PRKCG: variants seen among roughly 807,000 people sequenced by gnomAD.
The protein encoded by PRKCG is protein kinase C gamma type.
PRKCG carries 28 observed loss-of-function variants against 82.0 expected under a neutral mutation model. That is an observed-to-expected ratio of 0.34 (90% CI 0.25 to 0.47). The LOEUF (loss-of-function observed/expected upper bound fraction) is 0.47. Among genes scored for constraint, PRKCG ranks in the 20% least tolerant of loss-of-function variants. The pLI, the probability that PRKCG is intolerant of heterozygous loss-of-function variation, is 1.00. For synonymous variants in PRKCG, 383 were observed against 376.6 expected (o/e 1.02, Z -0.20); for missense variants, 640 against 952.7 (o/e 0.67, Z 4.32).
chr19:53,891,646 G>C, intron 5 of PRKCG, 28 bp from the exon 6 acceptor site: 1 of 1,612,474 alleles, frequency 6.2e-7, no homozygotes, highest in Non-Finnish European at 8.5e-7. Context: ...TCTCTAACCC[G>C]TCACACTCTT....
upstream of PRKCG, chr19:53,882,183 A>G (rs307942): frequency 2.3e-5 from 9 of 384,474 alleles, no homozygotes; most frequent in Middle Eastern, 4.8e-4. This position sits in a 1 kb window ranked among gnomAD's most constrained non-coding sequence, Gnocchi z 6.1. Context: ...CGCCTCCCCC[A>G]ACCCGGGGCT....
intron 3 of PRKCG, among the ~76,000 whole-genome samples, chr19:53,886,220 T>C (rs2068630319): frequency 6.6e-6 from 1 of 151,458 alleles, no homozygotes; most frequent in African/African-American, 2.4e-5. Flanking sequence ...TTCTCATGCC[T>C]CAGCCTCCCG....
chr19:53,899,759 G>A (rs576874797), intron 11 of PRKCG, among the ~76,000 whole-genome samples: 1 of 152,206 alleles, frequency 6.6e-6, no homozygotes, highest in Non-Finnish European at 1.5e-5. Context: ...GCTGATTTTT[G>A]TATTTTTAGT....
chr19:53,884,299 C>T lies in PRKCG; in HGVS notation c.285+56C>T. On this transcript the variant is annotated intron_variant, in intron 3 of 17. Transcript: ENST00000263431. This position sits in a 1 kb window ranked among gnomAD's most constrained non-coding sequence, Gnocchi z 4.6. ...CGGGCCGTGCCCCCGCCCTCACCCC[C>T]TCGGCGTCCGTCCCAATTTCTCCTG... is the stretch of plus-strand genomic sequence containing the variant. The T allele has an allele frequency of 2.0e-6, 3 of 1,512,636 alleles. No individual in the cohort carries two copies. The highest frequency in any genetic ancestry group is 1.4e-5 in the African/African-American group (1 of 72,784). The allele number at this position is 1,512,636 out of a possible 1,614,324, so 93.7% of individuals were successfully genotyped here.
chr19:53,898,644 GC>G lies in PRKCG; in HGVS notation c.1281+17del. ...CCAGACCCCGGTAAGGATGGAGGGG[GC>G]GGAGGCTGTCCTCCGGGCCCTGCCT... On this transcript the variant is annotated intron_variant, in intron 11 of 17. Coordinates refer to ENST00000263431, the MANE Select transcript of PRKCG (RefSeq NM_002739.5). 6.4e-6 allele frequency: 10 copies of G among 1,559,718 alleles called. No homozygotes were observed. The highest frequency in any genetic ancestry group is 8.7e-6 in the Non-Finnish European group (10 of 1,153,318).
rs575973000 is a variant in PRKCG, at chr19:53,882,749, G to A, written c.170+85G>A. 1 of 1,539,784 alleles carries A rather than the reference G, an allele frequency of 6.5e-7. No homozygotes were observed. The highest frequency in any genetic ancestry group is 2.3e-5 in the East Asian group (1 of 43,442). ...ACGCCGACCCCTGTGGAAGGAAGAA[G>A]GAGGGGGCTGTAGTCCCGACTCCCA... is the stretch of plus-strand genomic sequence containing the variant. On this transcript the variant is annotated intron_variant, in intron 1 of 17. Coordinates refer to ENST00000263431, the MANE Select transcript of PRKCG (RefSeq NM_002739.5). The surrounding 1 kb of genome is among the most constrained non-coding windows in gnomAD (Gnocchi z 6.1).
intron 5 of PRKCG, among the ~76,000 whole-genome samples, chr19:53,890,423 A>AT (rs2068665586): frequency 6.7e-6 from 1 of 150,146 alleles, no homozygotes; most frequent in Non-Finnish European, 1.5e-5. Flanking sequence ...AGCCCGGCTA[A>AT]TTTTTTGTAT....
Position 53,889,628 on chromosome 19 carries a change from C to T in PRKCG, c.286-10C>T, listed in dbSNP as rs371640993. The T allele has an allele frequency of 1.2e-6, 2 of 1,612,858 alleles. No individual in the cohort carries two copies. The highest frequency in any genetic ancestry group is 8.5e-7 in the Non-Finnish European group (1 of 1,179,016). ...CCAACGCCCCCTAAGCCAGTCTTCT[C>T]TGCCCCCAGGACCCCCGGAACAAAC... is the stretch of plus-strand genomic sequence containing the variant. On this transcript the variant is annotated splice_polypyrimidine_tract_variant and intron_variant, in intron 3 of 17. Coordinates refer to ENST00000263431, the MANE Select transcript of PRKCG (RefSeq NM_002739.5). This position sits in a 1 kb window ranked among gnomAD's most constrained non-coding sequence, Gnocchi z 4.4.
intron 9 of PRKCG, among the ~76,000 whole-genome samples, chr19:53,893,881 G>A (rs1215851986): frequency 6.6e-6 from 1 of 151,850 alleles, no homozygotes; most frequent in Non-Finnish European, 1.5e-5. Flanking sequence ...AGCCTCCTGA[G>A]TAGCTGGGAT....
Position 53,883,319 on chromosome 19 carries a change from G to A in PRKCG, c.202+125G>A, listed in dbSNP as rs2068607057. ...GAGGCGCGGGGGAGCCCGGGGCGGG[G>A]GGTGTGGCAGAGACACAGCCTGTGG... On this transcript the variant is annotated intron_variant, in intron 2 of 17. Transcript: ENST00000263431. The surrounding 1 kb of genome is among the most constrained non-coding windows in gnomAD (Gnocchi z 5.4). 1.7e-6 allele frequency: 2 copies of A among 1,195,646 alleles called. No individual in the cohort carries two copies. The highest frequency in any genetic ancestry group is 2.4e-6 in the Non-Finnish European group (2 of 824,306). The allele number at this position is 1,195,646 out of a possible 1,614,324, so 74.1% of individuals were successfully genotyped here. A position where few individuals can be genotyped will look rare whatever the true frequency, so the allele number is the denominator to read the frequency against.
Position 53,900,094 on chromosome 19 carries a change from C to A in PRKCG, c.1282-139C>A. 1.2e-6 allele frequency: 1 copy of A among 808,276 alleles called. No homozygotes were observed. The highest frequency in any genetic ancestry group is 2.1e-6 in the Non-Finnish European group (1 of 472,894). 50.1% of individuals were successfully genotyped at this position (808,276 alleles called of 1,614,324 possible). On this transcript the variant is annotated intron_variant, in intron 11 of 17. Transcript: ENST00000263431. This position sits in a 1 kb window ranked among gnomAD's most constrained non-coding sequence, Gnocchi z 4.2. ...GCAGGATTAGCACCTTAGGGCCCTC[C>A]CAGGGATGTGGCTAGGTGCTCTGAA...
chr19:53,899,833 C>T (rs60663380), intron 11 of PRKCG, among the ~76,000 whole-genome samples: 7,418 of 152,220 alleles, frequency 0.049, 575 homozygotes, highest in African/African-American at 0.16. Flanking sequence ...GTGATCCACC[C>T]GCTTCGGCCT....
chr19:53,903,599 T>C (rs2068780551), intron 15 of PRKCG, among the ~76,000 whole-genome samples: 1 of 152,144 alleles, frequency 6.6e-6, no homozygotes, highest in Admixed American at 6.6e-5. Flanking sequence ...TCTTCTTAGC[T>C]GGCTATGGTA....
At chr19:53,896,363 C>A (rs191256513) in intron 9 of PRKCG, among the ~76,000 whole-genome samples, 1 of 146,004 alleles carries the variant, frequency 6.8e-6, no homozygotes, top group East Asian at 2.0e-4. Context: ...ACACAGCAAA[C>A]AGAAACAGCC....
Position 53,884,138 on chromosome 19 carries a change from GTC to G in PRKCG, c.203-19_203-18del. The G allele has an allele frequency of 6.2e-7, 1 of 1,612,358 alleles. No homozygotes were observed. The highest frequency in any genetic ancestry group is 8.5e-7 in the Non-Finnish European group (1 of 1,178,544). On this transcript the variant is annotated intron_variant, in intron 2 of 17. Transcript: ENST00000263431. The surrounding 1 kb of genome is among the most constrained non-coding windows in gnomAD (Gnocchi z 4.6). Reference sequence around the variant, plus strand: ...TGGACTAATCCATGCCTCCGTCTGTGTCTCTATGATTTTCATCTATAGTCTGC... The same window carrying G: ...TGGACTAATCCATGCCTCCGTCTGTGTCTATGATTTTCATCTATAGTCTGC...
At chr19:53,906,072 CCTCCTCCTCCTCCTT>C (rs1351429711) in intron 16 of PRKCG, among the ~76,000 whole-genome samples, 6 of 52,274 alleles carry the variant, frequency 1.1e-4, no homozygotes, top group Non-Finnish European at 1.9e-4. Context: ...TCCTCCTCCT[CCTCCTCCTCCTCCTT>C]CTTCTTCTTC....
Position 53,892,802 on chromosome 19 carries a change from CTCT to C in PRKCG, c.821+160_821+162del, listed in dbSNP as rs2068689178. Among the ~76,000 whole-genome samples the C allele has an allele frequency of 4.2e-5, 6 of 144,274 alleles. No individual in the cohort carries two copies. Among genetic ancestry groups the C allele is most frequent in the Admixed American group, 2.8e-4 (4 of 14,454 alleles). 94.6% of individuals were successfully genotyped at this position (144,274 alleles called of 152,430 possible). ...CACACGCACACACACGCACACACCC[CTCT>C]CTCTCTATTCTTCTCTTCTTCTCCC... On this transcript the variant is annotated intron_variant, in intron 7 of 17. Transcript: ENST00000263431. The surrounding 1 kb of genome is among the most constrained non-coding windows in gnomAD (Gnocchi z 5.9).
chr19:53,904,665 C>T lies in PRKCG; in HGVS notation c.1687C>T (p.Leu563=), dbSNP rs1354969613. 1.2e-6 allele frequency: 2 copies of T among 1,613,610 alleles called. No individual in the cohort carries two copies. Among genetic ancestry groups the T allele is most frequent in the East Asian group, 2.2e-5 (1 of 44,824 alleles). Residue 563 remains leucine (L), a synonymous_variant, in exon 16 of 18, where the codon CTG becomes TTG. Transcript: ENST00000263431. ...CTTCGATGGGGAGGACGAGGAGGAG[C>T]TGTTTCAGGCCATCATGGAACAAAC... ...PPFDGEDEEE[L]FQAIMEQTVT...
At position 53,906,942 on chromosome 19, in the gene PRKCG, C is replaced by G; in HGVS notation, c.*47C>G. 1 of 1,611,236 alleles carries G rather than the reference C, an allele frequency of 6.2e-7. No homozygotes were observed. On this transcript the variant is annotated 3_prime_UTR_variant, in exon 18 of 18. Coordinates refer to ENST00000263431, the MANE Select transcript of PRKCG (RefSeq NM_002739.5). ...GTCCCCAACGTCCCCTCCGCCGTGC[C>G]GGCGGCAGCCCCACTTCACCCCCAA...
Sources: allele counts gnomAD v4.1 joint callset (sites outside exome capture counted in the v4.1 genomes callset), GRCh38; gene constraint gnomAD v4.1.1; non-coding constraint Gnocchi (gnomAD v3.1); transcripts MANE v1.5; gene names NCBI Gene and HGNC (gene_info 2026-07-23, HGNC 2026-07-21).